ANO4: variants seen among roughly 807,000 people sequenced by gnomAD.
The protein encoded by ANO4 is anoctamin-4.
A neutral mutation model predicts 141.9 loss-of-function variants in ANO4; 69 were observed. The observed-to-expected ratio is 0.49, with a 90% CI of 0.40 to 0.59. The LOEUF (loss-of-function observed/expected upper bound fraction) is 0.59, where lower values mean the gene tolerates loss of function less well. ANO4 is among the 20% of genes least tolerant of loss of function. ANO4 has a pLI of 0.00. For missense variants in ANO4, 894 were observed against 1,162.2 expected, an observed-to-expected ratio of 0.77 and a Z score of 3.36; for synonymous variants, 350 against 394.3, an observed-to-expected ratio of 0.89 and a Z score of 1.33.
chr12:100,749,125 G>A (rs1016879889), intron 3 of ANO4, among the ~76,000 whole-genome samples: 4 of 152,146 alleles, frequency 2.6e-5, no homozygotes. Context: ...GCAGGACAGT[G>A]TGCAAAGGCT....
chr12:101,065,416 T>C lies in ANO4; in HGVS notation c.1313-13777T>C, dbSNP rs1038370522. On this transcript the variant is annotated intron_variant, in intron 14 of 27. Transcript: ENST00000392977. ...AGACCCAAATAAATAAAATCAGATA[T>C]GAAAAAGGAGACATTACAACTGATA... Among the ~76,000 whole-genome samples the C allele has an allele frequency of 2.0e-5, 3 of 152,026 alleles. No homozygotes were observed. The East Asian group carries it at 5.8e-4, about 29-fold the overall frequency.
At chr12:100,969,455 C>T (rs2043823617) in intron 5 of ANO4, among the ~76,000 whole-genome samples, 1 of 152,206 alleles carries the variant, frequency 6.6e-6, no homozygotes, top group Non-Finnish European at 1.5e-5. Context: ...TCTCTGAGAA[C>T]ACTGCAGTTG....
chr12:101,001,443 C>A (rs1012660681), intron 8 of ANO4, among the ~76,000 whole-genome samples: 1 of 152,146 alleles, frequency 6.6e-6, no homozygotes, highest in African/African-American at 2.4e-5. Context: ...TCTTTTTTGA[C>A]CCTTGCAAAA....
chr12:100,975,259 C>T (rs1201750767), intron 7 of ANO4, among the ~76,000 whole-genome samples: 3 of 151,318 alleles, frequency 2.0e-5, no homozygotes, highest in South Asian at 2.1e-4. Flanking sequence ...TTTGGTGCAC[C>T]CATCACCTGA....
chr12:100,840,921 G>C (rs1390249808), intron 1 of ANO4, among the ~76,000 whole-genome samples: 1 of 152,106 alleles, frequency 6.6e-6, no homozygotes, highest in Non-Finnish European at 1.5e-5. Context: ...AAAACTACCA[G>C]ATCATGTTGT....
intron 2 of ANO4, among the ~76,000 whole-genome samples, chr12:100,739,426 G>A (rs927202456): frequency 6.6e-6 from 1 of 152,100 alleles, no homozygotes; most frequent in Non-Finnish European, 1.5e-5. Flanking sequence ...AATCTGTGCT[G>A]AAGTTCTGCC....
At chr12:100,834,906 G>A (rs756663363) in intron 1 of ANO4, among the ~76,000 whole-genome samples, 17 of 152,164 alleles carry the variant, frequency 1.1e-4, no homozygotes, top group Non-Finnish European at 2.2e-4. Flanking sequence ...AGGTGCATGT[G>A]TTCCCCTGGC....
At chr12:100,899,027 G>A (rs553302138) in intron 1 of ANO4, among the ~76,000 whole-genome samples, 1 of 152,292 alleles carries the variant, frequency 6.6e-6, no homozygotes, top group East Asian at 1.9e-4. Flanking sequence ...CCATGATGTG[G>A]ATGATGCATG....
chr12:101,084,344 C>T (rs1046340637), intron 16 of ANO4, among the ~76,000 whole-genome samples: 3 of 152,074 alleles, frequency 2.0e-5, no homozygotes, highest in African/African-American at 7.2e-5. Flanking sequence ...AAATTAATTT[C>T]CTGACTCACT....
intron 4 of ANO4, among the ~76,000 whole-genome samples, 173 bp from the exon 5 acceptor site, chr12:100,942,204 C>T (rs879918573): frequency 2.6e-5 from 4 of 152,114 alleles, no homozygotes; most frequent in Non-Finnish European, 5.9e-5. Flanking sequence ...TGGTCTCGAA[C>T]TCCTGACCTC....
chr12:101,107,368 G>T (rs2050490304), intron 22 of ANO4, among the ~76,000 whole-genome samples: 2 of 152,128 alleles, frequency 1.3e-5, no homozygotes, highest in Non-Finnish European at 2.9e-5. Flanking sequence ...GAAGCTCACT[G>T]CAAAAGGGGA....
chr12:100,826,314 A>C (rs953736714), intron 1 of ANO4, among the ~76,000 whole-genome samples: 1 of 152,004 alleles, frequency 6.6e-6, no homozygotes, highest in Non-Finnish European at 1.5e-5. Context: ...GAAAATGGTC[A>C]TTGCTCACAG....
intron 26 of ANO4, among the ~76,000 whole-genome samples, chr12:101,121,260 G>A (rs995674346): frequency 1.3e-5 from 2 of 151,028 alleles, no homozygotes; most frequent in South Asian, 2.1e-4. Context: ...AGTGTCTGTT[G>A]TTCTCATCTT....
chr12:101,043,700 G>T, intron 13 of ANO4, 65 bp downstream of exon 13: 7 of 1,168,186 alleles, frequency 6.0e-6, no homozygotes, highest in Middle Eastern at 1.9e-4. Flanking sequence ...AGGGATGGTG[G>T]GTAACTCTAT....
At chr12:100,852,947 G>A (rs79101209) in intron 1 of ANO4, among the ~76,000 whole-genome samples, 5,213 of 152,138 alleles carry the variant, frequency 0.034, 261 homozygotes, top group African/African-American at 0.11. Context: ...GTTTTATGGC[G>A]CCAGAGGTAT....
chr12:101,018,122 A>G (rs927657487), intron 8 of ANO4, among the ~76,000 whole-genome samples: 1 of 152,194 alleles, frequency 6.6e-6, no homozygotes, highest in Non-Finnish European at 1.5e-5. Flanking sequence ...GTGAGGCAAA[A>G]TGTGCTTTTT....
At chr12:101,029,976 A>C (rs2046910088) in intron 9 of ANO4, among the ~76,000 whole-genome samples, 1 of 151,254 alleles carries the variant, frequency 6.6e-6, no homozygotes, top group East Asian at 1.9e-4. Context: ...CCAGATTCAT[A>C]AAACAAGTTC....
chr12:100,881,451 C>T (rs1057076589), intron 1 of ANO4, among the ~76,000 whole-genome samples: 4 of 150,242 alleles, frequency 2.7e-5, no homozygotes, highest in East Asian at 3.9e-4. Flanking sequence ...AAAGAATATG[C>T]TCCAAGCATT....
chr12:100,919,706 A>G lies in ANO4; in HGVS notation c.56-2520A>G, dbSNP rs201739728. Among the ~76,000 whole-genome samples the G allele has an allele frequency of 2.9e-3, 321 of 109,962 alleles. 2 individuals are homozygous for G. The highest frequency in any genetic ancestry group is 7.6e-3 in the African/African-American group (201 of 26,494). 72.1% of individuals were successfully genotyped at this position (109,962 alleles called of 152,430 possible). ...TGTGTGTGTGTGTGTGTGTGTGTGT[A>G]TGTATGTATGTATGTATGTGTGTAT... On this transcript the variant is annotated intron_variant, in intron 2 of 27. Transcript: ENST00000392977.
Sources: allele counts gnomAD v4.1 joint callset (sites outside exome capture counted in the v4.1 genomes callset), GRCh38; gene constraint gnomAD v4.1.1; transcripts MANE v1.5; gene names NCBI Gene and HGNC (gene_info 2026-07-23, HGNC 2026-07-21).